The following MSH3 variants were observed in gnomAD, a reference collection of about 807,000 sequenced individuals.
MSH3 encodes mutS homolog 3, also known as DNA mismatch repair protein Msh3.
A neutral mutation model predicts 123.3 loss-of-function variants in MSH3; 106 were observed. That is an observed-to-expected ratio of 0.86 (90% CI 0.73 to 1.01). MSH3 has a LOEUF of 1.01. Among genes scored for constraint, MSH3 ranks in the 50% least tolerant of loss-of-function variants. The pLI, the probability that MSH3 is intolerant of heterozygous loss-of-function variation, is 0.00. For missense variants in MSH3, 1,459 were observed against 1,347.6 expected, an observed-to-expected ratio of 1.08 and a Z score of -1.29; for synonymous variants, 515 against 481.4, an observed-to-expected ratio of 1.07 and a Z score of -0.91.
At chr5:80,847,163 G>A (rs152413) in intron 20 of MSH3, among the ~76,000 whole-genome samples, 37,138 of 151,958 alleles carry the variant, frequency 0.24, 4,791 homozygotes, top group Non-Finnish European at 0.29. Flanking sequence ...GGGCTCAAGC[G>A]ATTTTCCTGC....
Position 80,819,777 on chromosome 5 carries a change from G to C in MSH3, c.2813+6036G>C, listed in dbSNP as rs546139441. On this transcript the variant is annotated intron_variant, in intron 20 of 23. Coordinates refer to ENST00000265081, the MANE Select transcript of MSH3 (RefSeq NM_002439.5). ...ACTGGGATTACAGGTGTGAGCCACT[G>C]CGCCCGGCCAAAAACATATTTTTAT... Among the ~76,000 whole-genome samples the C allele has an allele frequency of 2.6e-5, 4 of 152,238 alleles. No homozygotes were observed. The East Asian group carries it at 7.7e-4, about 29-fold the overall frequency.
rs377505685 is a variant in MSH3 at position 80,665,092 on chromosome 5, A to T, written c.359-51A>T. On this transcript the variant is annotated intron_variant, in intron 2 of 23. Transcript: ENST00000265081. ...TTCTATGCTGGTTATGAATTGACAT[A>T]ATGAGACCAAAATTACTATTGTTCT... The T allele has an allele frequency of 3.4e-6, 5 of 1,453,670 alleles. No homozygotes were observed. In the African/African-American group the frequency reaches 7.0e-5, roughly 20 times the overall value. The allele number at this position is 1,453,670 out of a possible 1,614,324, so 90.0% of individuals were successfully genotyped here. A position where few individuals can be genotyped will look rare whatever the true frequency, so the allele number is the denominator to read the frequency against.
At chr5:80,667,674 G>A (rs1749602629) in intron 3 of MSH3, among the ~76,000 whole-genome samples, 1 of 152,228 alleles carries the variant, frequency 6.6e-6, no homozygotes, top group Non-Finnish European at 1.5e-5. Flanking sequence ...CCAGGTGCCA[G>A]CGTGAGTGAG....
chr5:80,660,512 A>G (rs549615675), intron 2 of MSH3, among the ~76,000 whole-genome samples: 1 of 152,304 alleles, frequency 6.6e-6, no homozygotes, highest in African/African-American at 2.4e-5. Context: ...ACTATATCAC[A>G]TTGGAAAAGA....
At chr5:80,807,106 C>G (rs1744904097) in intron 19 of MSH3, among the ~76,000 whole-genome samples, 1 of 147,990 alleles carries the variant, frequency 6.8e-6, no homozygotes, top group South Asian at 2.1e-4. Flanking sequence ...GCAGGAAGAT[C>G]TCTTGAGCCC....
intron 8 of MSH3, among the ~76,000 whole-genome samples, chr5:80,709,714 C>G (rs1437505180): frequency 6.6e-6 from 1 of 151,854 alleles, no homozygotes; most frequent in Non-Finnish European, 1.5e-5. Flanking sequence ...TTTTCTTTAC[C>G]TTTGGTTTTC....
intron 8 of MSH3, among the ~76,000 whole-genome samples, chr5:80,700,841 A>C (rs1750592939): frequency 6.6e-6 from 1 of 152,194 alleles, no homozygotes; most frequent in Non-Finnish European, 1.5e-5. Context: ...AGCATTTGAG[A>C]AGTGTGGAGA....
chr5:80,772,389 G>T lies in MSH3; in HGVS notation c.2254-3305G>T, dbSNP rs189603736. 6.6e-5 allele frequency among the ~76,000 whole-genome samples: 10 copies of T among 152,280 alleles called. No individual in the cohort carries two copies. The East Asian group carries it at 1.9e-3, about 29-fold the overall frequency. On this transcript the variant is annotated intron_variant, in intron 15 of 23. Coordinates refer to ENST00000265081, the MANE Select transcript of MSH3 (RefSeq NM_002439.5). ...ATTGGAGGAATGGGTTAAGTGTGGT[G>T]CTGGAGAAAACAGCAGTTTCTGGAG...
At chr5:80,692,826 C>A (rs566583380) in intron 8 of MSH3, among the ~76,000 whole-genome samples, 2 of 122,542 alleles carry the variant, frequency 1.6e-5, no homozygotes, top group Admixed American at 8.1e-5. Flanking sequence ...AATATACATA[C>A]ACATGTATAT....
intron 3 of MSH3, among the ~76,000 whole-genome samples, chr5:80,669,654 A>G (rs1192750881): frequency 6.6e-6 from 1 of 152,204 alleles, no homozygotes; most frequent in Admixed American, 6.5e-5. Flanking sequence ...AGTATAAAAC[A>G]TTAAGTGCAG....
intron 8 of MSH3, among the ~76,000 whole-genome samples, chr5:80,706,252 G>C (rs1170468635): frequency 6.6e-6 from 1 of 152,210 alleles, no homozygotes; most frequent in Non-Finnish European, 1.5e-5. Context: ...GGCTAAGGCA[G>C]ACCTGAGCTT....
At chr5:80,872,196 A>T (rs1041978744) in intron 22 of MSH3, among the ~76,000 whole-genome samples, 1 of 152,158 alleles carries the variant, frequency 6.6e-6, no homozygotes. Context: ...TAGGCCTGGT[A>T]TGGTGGTTCA....
chr5:80,867,096 C>G (rs1321542172), intron 22 of MSH3, among the ~76,000 whole-genome samples: 2 of 152,132 alleles, frequency 1.3e-5, no homozygotes. Flanking sequence ...TGCTGGCATC[C>G]TAGGAGTTCC....
intron 20 of MSH3, among the ~76,000 whole-genome samples, chr5:80,840,639 A>G (rs997997615): frequency 1.3e-5 from 2 of 152,120 alleles, no homozygotes; most frequent in Non-Finnish European, 2.9e-5. Context: ...GTACATGTGC[A>G]CAACGTACAG....
intron 2 of MSH3, among the ~76,000 whole-genome samples, 175 bp downstream of exon 2, chr5:80,656,706 G>C (rs1749298891): frequency 6.6e-6 from 1 of 152,178 alleles, no homozygotes; most frequent in Non-Finnish European, 1.5e-5. Flanking sequence ...AGGAGGTTAA[G>C]GGGATGGTAG....
intron 19 of MSH3, among the ~76,000 whole-genome samples, chr5:80,802,414 A>T (rs924101828): frequency 2.4e-5 from 3 of 124,038 alleles, no homozygotes; most frequent in African/African-American, 5.5e-5. Flanking sequence ...TTGATTCTTT[A>T]AAAAAACAAA....
At chr5:80,736,951 T>C (rs544398286) in intron 10 of MSH3, among the ~76,000 whole-genome samples, 1 of 152,316 alleles carries the variant, frequency 6.6e-6, no homozygotes. Flanking sequence ...TATTACTCTA[T>C]GTCGAGTCCT....
At chr5:80,699,146 G>A (rs1234861989) in intron 8 of MSH3, among the ~76,000 whole-genome samples, 1 of 152,072 alleles carries the variant, frequency 6.6e-6, no homozygotes, top group Non-Finnish European at 1.5e-5. Context: ...CATAATAGGT[G>A]CTTAATAAAT....
intron 3 of MSH3, among the ~76,000 whole-genome samples, chr5:80,666,579 C>T (rs1385458027): frequency 3.3e-5 from 5 of 152,284 alleles, no homozygotes; most frequent in Non-Finnish European, 4.4e-5. Flanking sequence ...TTAAAGCTCA[C>T]TTTATTGATA....
Sources: gnomAD v4.1 joint callset for allele counts (sites outside exome capture counted in the v4.1 genomes callset) on GRCh38, gnomAD v4.1.1 for gene constraint, MANE v1.5 for transcripts, NCBI Gene and HGNC (gene_info 2026-07-23, HGNC 2026-07-21) for gene names.